The following PPFIA1 variants were observed in gnomAD, a reference collection of about 807,000 sequenced individuals.
The protein encoded by PPFIA1 is liprin-alpha-1.
Under a neutral mutation model 149.9 loss-of-function variants are expected in PPFIA1, and 25 were observed. The ratio of observed to expected loss-of-function variants is 0.17; its 90% CI spans 0.12 to 0.23. PPFIA1 has a LOEUF of 0.23. Among genes scored for constraint, PPFIA1 ranks in the 10% least tolerant of loss-of-function variants. The probability of loss-of-function intolerance (pLI) is 1.00; values close to 1 mark genes in which losing one functional copy is unlikely to be tolerated. For synonymous variants in PPFIA1, 549 were observed against 552.8 expected, an observed-to-expected ratio of 0.99 and a Z score of 0.10; for missense variants, 1,362 against 1,506.5, an observed-to-expected ratio of 0.90 and a Z score of 1.59.
At chr11:70,371,494 T>A in intron 21 of PPFIA1, 1 of 161,406 alleles carries the variant, frequency 6.2e-6, no homozygotes, top group African/African-American at 2.4e-5. Flanking sequence ...TTCTATCTTC[T>A]GTTGTTGGGT....
At chr11:70,324,584 AC>A in intron 3 of PPFIA1, 81 bp downstream of exon 3, 1 of 1,202,980 alleles carries the variant, frequency 8.3e-7, no homozygotes, top group Non-Finnish European at 1.2e-6. Flanking sequence ...CGAAAGGACG[AC>A]CCACTCTGTC....
intron 13 of PPFIA1, 27 bp from the exon 14 acceptor site, chr11:70,339,144 T>C (rs1293828258): frequency 6.2e-7 from 1 of 1,611,010 alleles, no homozygotes; most frequent in Non-Finnish European, 8.5e-7. Context: ...CTTCTAATAA[T>C]GATCATTCTT....
intron 2 of PPFIA1, chr11:70,320,269 A>G (rs1478693142): frequency 6.6e-6 from 1 of 152,250 alleles, no homozygotes; most frequent in Non-Finnish European, 1.5e-5. Flanking sequence ...ACCCTTCAGT[A>G]CACAAACAGA....
chr11:70,383,740 G>T lies in PPFIA1; in HGVS notation c.*750G>T, dbSNP rs973018302. 1.3e-5 allele frequency: 2 copies of T among 152,734 alleles called. No individual in the cohort carries two copies. Among genetic ancestry groups the T allele is most frequent in the African/African-American group, 4.8e-5 (2 of 41,454 alleles). The allele number at this position is 152,734 out of a possible 1,614,324, so 9.5% of individuals were successfully genotyped here. On this transcript the variant is annotated 3_prime_UTR_variant, in exon 28 of 28. Transcript: ENST00000253925. The stretch of plus-strand genomic sequence containing the variant: ...GGATTTGGGGAGCTTGTCTTCAGTG[G>T]CTGAGACTGTGAGCTGGGAGCAGTT...
At chr11:70,380,852 G>C (rs993970534) in intron 26 of PPFIA1, among the ~76,000 whole-genome samples, 1 of 151,706 alleles carries the variant, frequency 6.6e-6, no homozygotes. Context: ...TATTATTATT[G>C]AGACAGGGTC....
intron 2 of PPFIA1, among the ~76,000 whole-genome samples, chr11:70,313,199 C>T (rs2053399883): frequency 1.3e-5 from 2 of 152,206 alleles, no homozygotes; most frequent in Non-Finnish European, 2.9e-5. Context: ...TCTGACCTCT[C>T]TTCTGTGTGC....
chr11:70,324,320 T>G, intron 2 of PPFIA1, 82 bp from the exon 3 acceptor site: 1 of 1,028,516 alleles, frequency 9.7e-7, no homozygotes, highest in Non-Finnish European at 1.4e-6. Context: ...GTTGCCTTTG[T>G]GTGAAGACTG....
intron 6 of PPFIA1, 54 bp downstream of exon 6, chr11:70,326,417 G>A: frequency 1.4e-6 from 2 of 1,480,072 alleles, no homozygotes; most frequent in South Asian, 1.2e-5. Flanking sequence ...TTCACAGTAT[G>A]TGTCGGGTTA....
chr11:70,308,608 G>A (rs905457533), intron 2 of PPFIA1, among the ~76,000 whole-genome samples: 4 of 152,076 alleles, frequency 2.6e-5, no homozygotes, highest in Admixed American at 6.6e-5. Context: ...AAATGTATCC[G>A]AAACTCTTAA....
rs369566298 is a variant in PPFIA1 at position 70,326,473 on chromosome 11, A to G, written c.708+110A>G. 47 of 1,284,152 alleles carry G rather than the reference A, an allele frequency of 3.7e-5. No individual in the cohort carries two copies. In the African/African-American group the frequency reaches 4.8e-4, roughly 13 times the overall value. 79.5% of individuals were successfully genotyped at this position (1,284,152 alleles called of 1,614,324 possible). On this transcript the variant is annotated intron_variant, in intron 6 of 27. Transcript: ENST00000253925. Reference sequence around the variant, plus strand: ...GTACCGGCTTAGAGCTGAAGTGGTCATGAAAGTTGTGTAATCCAACAGATT... The same window carrying G: ...GTACCGGCTTAGAGCTGAAGTGGTCGTGAAAGTTGTGTAATCCAACAGATT...
At chr11:70,285,212 C>G (rs1190624076) in intron 2 of PPFIA1, among the ~76,000 whole-genome samples, 1 of 151,840 alleles carries the variant, frequency 6.6e-6, no homozygotes, top group Non-Finnish European at 1.5e-5. Flanking sequence ...GTTGCCCAGG[C>G]TGGTCTTGAA....
At chr11:70,303,182 T>G (rs1409871724) in intron 2 of PPFIA1, among the ~76,000 whole-genome samples, 1 of 152,138 alleles carries the variant, frequency 6.6e-6, no homozygotes, top group East Asian at 1.9e-4. Flanking sequence ...GCACTGTGGT[T>G]CTAGACCCCG....
chr11:70,380,146 G>T (rs1019860597), intron 26 of PPFIA1, among the ~76,000 whole-genome samples: 1 of 152,168 alleles, frequency 6.6e-6, no homozygotes, highest in South Asian at 2.1e-4. Context: ...GGTGGCTCAC[G>T]CCTGTAATCC....
At chr11:70,307,766 T>A (rs995132649) in intron 2 of PPFIA1, among the ~76,000 whole-genome samples, 9 of 96,646 alleles carry the variant, frequency 9.3e-5, no homozygotes, top group African/African-American at 7.4e-4. Flanking sequence ...CAAAAAAAAT[T>A]TTTTTTTAAA....
intron 15 of PPFIA1, among the ~76,000 whole-genome samples, chr11:70,347,215 G>A (rs2055757198): frequency 6.6e-6 from 1 of 152,102 alleles, no homozygotes; most frequent in Non-Finnish European, 1.5e-5. Flanking sequence ...TAAGAATAGG[G>A]GAGATAAGGG....
intron 9 of PPFIA1, chr11:70,333,049 G>T (rs1244480335): frequency 8.7e-6 from 4 of 457,892 alleles, no homozygotes; most frequent in African/African-American, 6.0e-5. Flanking sequence ...TGGGAGCTCT[G>T]CTGCTAAGGA....
chr11:70,286,346 G>A (rs978378590), intron 2 of PPFIA1, among the ~76,000 whole-genome samples: 4 of 152,128 alleles, frequency 2.6e-5, no homozygotes, highest in Non-Finnish European at 1.5e-5. Flanking sequence ...CTGCCTCCCG[G>A]GTTCAAGCGA....
At chr11:70,276,480 A>T (rs1329879311) in intron 2 of PPFIA1, among the ~76,000 whole-genome samples, 1 of 152,116 alleles carries the variant, frequency 6.6e-6, no homozygotes, top group Non-Finnish European at 1.5e-5. Flanking sequence ...ATTGACTTAT[A>T]ATTTCAGTTT....
chr11:70,310,503 A>G (rs1443155905), intron 2 of PPFIA1, among the ~76,000 whole-genome samples: 2 of 150,354 alleles, frequency 1.3e-5, no homozygotes, highest in South Asian at 2.1e-4. Flanking sequence ...CTCTTGCCTC[A>G]GCCTCCCGAG....
Sources: allele counts gnomAD v4.1 joint callset (sites outside exome capture counted in the v4.1 genomes callset), GRCh38; gene constraint gnomAD v4.1.1; transcripts MANE v1.5; gene names NCBI Gene and HGNC (gene_info 2026-07-23, HGNC 2026-07-21).